SRPK2: variants seen among roughly 807,000 people sequenced by gnomAD.
SRPK2 encodes SFRS protein kinase 2.
SRPK2 carries 21 observed loss-of-function variants against 90.8 expected under a neutral mutation model. That is an observed-to-expected ratio of 0.23 (90% confidence interval 0.16 to 0.33). SRPK2 has a LOEUF of 0.33. Ranked by LOEUF, SRPK2 falls within the 10% of genes least tolerant of loss-of-function variation. SRPK2 has a pLI of 1.00. For missense variants in SRPK2, 620 were observed against 869.0 expected, an observed-to-expected ratio of 0.71 and a Z score of 3.60; for synonymous variants, 288 against 311.1, an observed-to-expected ratio of 0.93 and a Z score of 0.78.
chr7:105,279,629 A>T (rs1806999685), intron 2 of SRPK2, among the ~76,000 whole-genome samples: 1 of 152,254 alleles, frequency 6.6e-6, no homozygotes, highest in African/African-American at 2.4e-5. Context: ...GTGTTTCGGT[A>T]TAAAATTTGA....
chr7:105,300,417 T>A (rs904806970), intron 2 of SRPK2, among the ~76,000 whole-genome samples: 2 of 152,162 alleles, frequency 1.3e-5, no homozygotes, highest in African/African-American at 4.8e-5. Context: ...AAAACTGATT[T>A]TCTGCCACGA....
chr7:105,254,670 T>G (rs568382662), intron 2 of SRPK2, among the ~76,000 whole-genome samples: 6 of 150,698 alleles, frequency 4.0e-5, no homozygotes, highest in South Asian at 2.1e-4. Context: ...TGCTTGTTTT[T>G]TTTTTGTTGT....
chr7:105,174,168 G>A (rs1791533057), intron 3 of SRPK2, among the ~76,000 whole-genome samples: 1 of 151,704 alleles, frequency 6.6e-6, no homozygotes, highest in Admixed American at 6.6e-5. Flanking sequence ...CATTGCTCTG[G>A]TTTCTTCTAC....
chr7:105,249,863 T>A (rs1184469436), intron 2 of SRPK2, among the ~76,000 whole-genome samples: 2 of 152,188 alleles, frequency 1.3e-5, no homozygotes, highest in Non-Finnish European at 2.9e-5. Flanking sequence ...TTAAAAAAAA[T>A]AGTAATTCTC....
rs371219531 is a variant in SRPK2, at chr7:105,170,836, G to A, written c.230-1571C>T. ...GAGAGGGAGAGAAAGAGAAAGAAAGGAAGAAAGAAAGAAAGAAAGAAAGAA... is the reference window on the plus strand; with the variant it reads ...GAGAGGGAGAGAAAGAGAAAGAAAGAAAGAAAGAAAGAAAGAAAGAAAGAA... On this transcript the variant is annotated intron_variant, in intron 3 of 15. Coordinates refer to ENST00000393651, the MANE Select transcript of SRPK2 (RefSeq NM_182692.3). 1.8e-3 allele frequency among the ~76,000 whole-genome samples: 74 copies of A among 40,162 alleles called. 1 individual carries two copies. Among genetic ancestry groups the A allele is most frequent in the African/African-American group, 7.8e-3 (64 of 8,188 alleles). The allele number at this position is 40,162 out of a possible 152,430, so 26.3% of individuals were successfully genotyped here.
chr7:105,158,201 T>C (rs181437845), intron 7 of SRPK2, among the ~76,000 whole-genome samples: 5 of 152,352 alleles, frequency 3.3e-5, no homozygotes, highest in Admixed American at 2.0e-4. Context: ...GCTAAGGCTA[T>C]ATTTTCTTCT....
intron 3 of SRPK2, among the ~76,000 whole-genome samples, chr7:105,169,960 C>T (rs894250424): frequency 6.6e-6 from 1 of 152,100 alleles, no homozygotes; most frequent in Non-Finnish European, 1.5e-5. Flanking sequence ...GAACTACAGG[C>T]ACACACCACC....
At chr7:105,185,656 A>G (rs1793485756) in intron 3 of SRPK2, among the ~76,000 whole-genome samples, 1 of 152,226 alleles carries the variant, frequency 6.6e-6, no homozygotes, top group African/African-American at 2.4e-5. Flanking sequence ...TTAGAGACAA[A>G]CTGACTACAA....
chr7:105,125,853 T>A (rs1335780716), intron 15 of SRPK2: 1 of 1,301,140 alleles, frequency 7.7e-7, no homozygotes, highest in Non-Finnish European at 1.0e-6. Context: ...CCCCAGCAGT[T>A]CAATGATCAA....
intron 15 of SRPK2, among the ~76,000 whole-genome samples, chr7:105,118,367 G>A (rs998487718): frequency 2.0e-5 from 3 of 152,112 alleles, no homozygotes; most frequent in East Asian, 1.9e-4. Flanking sequence ...GGGATCTTCC[G>A]TAAAATTTGC....
rs1354890422 is a variant in SRPK2 at position 105,145,258 on chromosome 7, T to G, written c.813+25A>C. 1.9e-6 allele frequency: 3 copies of G among 1,565,362 alleles called. No homozygotes were observed. In the South Asian group the frequency reaches 3.7e-5, roughly 19 times the overall value. On this transcript the variant is annotated intron_variant, in intron 9 of 15. Coordinates refer to ENST00000393651, the MANE Select transcript of SRPK2 (RefSeq NM_182692.3). ...ACGGTCTCTTTTAACATGGTGCATA[T>G]AAAGTAATATGCGTAAGTACTTACA...
intron 2 of SRPK2, among the ~76,000 whole-genome samples, chr7:105,371,164 GAGCCCA>G (rs1240128626): frequency 6.6e-6 from 1 of 151,842 alleles, no homozygotes; most frequent in Non-Finnish European, 1.5e-5. Context: ...AGCACTCTGG[GAGCCCA>G]AGGTGAATGG....
intron 2 of SRPK2, among the ~76,000 whole-genome samples, chr7:105,385,822 G>T (rs763468646): frequency 1.3e-5 from 2 of 152,184 alleles, no homozygotes; most frequent in African/African-American, 4.8e-5. Flanking sequence ...ACCTCTTAGG[G>T]TTGTCACAAG....
chr7:105,189,517 A>G (rs763931223), intron 3 of SRPK2: 20 of 153,192 alleles, frequency 1.3e-4, no homozygotes, highest in Non-Finnish European at 2.6e-4. Context: ...CACACCTGTA[A>G]TCCCAGCACT....
At chr7:105,118,885 T>A (rs1177628735) in intron 15 of SRPK2, among the ~76,000 whole-genome samples, 2 of 152,184 alleles carry the variant, frequency 1.3e-5, no homozygotes, top group Non-Finnish European at 2.9e-5. Context: ...CACTCCATCC[T>A]GGGACAGAGC....
chr7:105,322,829 A>G (rs879212653), intron 2 of SRPK2, among the ~76,000 whole-genome samples: 2 of 152,090 alleles, frequency 1.3e-5, no homozygotes, highest in Admixed American at 1.3e-4. Flanking sequence ...TGCTCTCCAC[A>G]GCTCCATGGT....
intron 15 of SRPK2, among the ~76,000 whole-genome samples, chr7:105,121,794 A>T (rs1409557254): frequency 1.3e-5 from 2 of 152,192 alleles, no homozygotes; most frequent in Non-Finnish European, 1.5e-5. Context: ...GTTCTATTAT[A>T]CTTCTCTTGA....
intron 2 of SRPK2, among the ~76,000 whole-genome samples, chr7:105,353,444 A>G (rs1398358115): frequency 6.6e-6 from 1 of 151,972 alleles, no homozygotes; most frequent in Non-Finnish European, 1.5e-5. Context: ...GGCTCAAGCA[A>G]TCCTCCCATC....
chr7:105,214,996 G>A (rs146211273), intron 2 of SRPK2, among the ~76,000 whole-genome samples: 2 of 152,298 alleles, frequency 1.3e-5, no homozygotes, highest in East Asian at 3.9e-4. Context: ...TAAGGATGAA[G>A]ACCAATGGAA....
Sources: allele counts gnomAD v4.1 joint callset (sites outside exome capture counted in the v4.1 genomes callset), GRCh38; gene constraint gnomAD v4.1.1; transcripts MANE v1.5; gene names NCBI Gene and HGNC (gene_info 2026-07-23, HGNC 2026-07-21).